BRIP1: variants seen among roughly 807,000 people sequenced by gnomAD.
BRIP1 encodes the protein BRCA1 interacting DNA helicase 1, also known as Fanconi anemia group J protein.
A neutral mutation model predicts 119.7 loss-of-function variants in BRIP1; 88 were observed. The ratio of observed to expected loss-of-function variants is 0.74; its 90% CI spans 0.62 to 0.88. BRIP1 has a LOEUF of 0.88. Ranked by LOEUF, BRIP1 falls within the 40% of genes least tolerant of loss-of-function variation. The probability of loss-of-function intolerance (pLI) is 0.00; values close to 1 mark genes in which losing one functional copy is unlikely to be tolerated. For synonymous variants in BRIP1, 443 were observed against 496.5 expected (o/e 0.89, Z 1.43); for missense variants, 1,259 against 1,455.4 (o/e 0.87, Z 2.20).
At position 61,710,310 on chromosome 17, in the gene BRIP1, C is replaced by G. The variant is rs1603290437; in HGVS notation, c.2492+5641G>C. ...TGGCAGGAAAAAGCACTGAACCTCA[C>G]ATTTTTCACTAATTCAACAAGCATT... On this transcript the variant is annotated intron_variant, in intron 17 of 19. Transcript: ENST00000259008. The surrounding 1 kb of genome is among the most constrained non-coding windows in gnomAD (Gnocchi z 5.4). Among the ~76,000 whole-genome samples the G allele has an allele frequency of 6.6e-6, 1 of 152,152 alleles. No individual in the cohort carries two copies. The highest frequency in any genetic ancestry group is 2.1e-4 in the South Asian group (1 of 4,834).
chr17:61,758,606 T>A lies in BRIP1; in HGVS notation c.2098-14015A>T, dbSNP rs2144821599. ...ACAAACATAGAAAGGCCTCAAGGCA[T>A]ACCACTACAGGAAACCATCAAATCA... On this transcript the variant is annotated intron_variant, in intron 14 of 19. Transcript: ENST00000259008. The surrounding 1 kb of genome is among the most constrained non-coding windows in gnomAD (Gnocchi z 5.3). 6.6e-6 allele frequency among the ~76,000 whole-genome samples: 1 copy of A among 152,262 alleles called. No individual in the cohort carries two copies. Among genetic ancestry groups the A allele is most frequent in the South Asian group, 2.1e-4 (1 of 4,828 alleles).
rs1455869101 is a variant in BRIP1 at position 61,770,963 on chromosome 17, C to T, written c.2097+5438G>A. Among the ~76,000 whole-genome samples the T allele has an allele frequency of 6.6e-6, 1 of 152,128 alleles. No homozygotes were observed. The highest frequency in any genetic ancestry group is 2.4e-5 in the African/African-American group (1 of 41,434). ...ACATTAAACGTAAATGGAGTAAACA[C>T]TCAAGTTAAAAGGCAGAGATAAGCA... is the stretch of plus-strand genomic sequence containing the variant. On this transcript the variant is annotated intron_variant, in intron 14 of 19. Transcript: ENST00000259008. The surrounding 1 kb of genome is among the most constrained non-coding windows in gnomAD (Gnocchi z 4.7).
In BRIP1 at chr17:61,713,684, G is replaced by A. The variant is rs9912366; in HGVS notation, c.2492+2267C>T. Among the ~76,000 whole-genome samples, 57,352 of 151,650 alleles carry A rather than the reference G, an allele frequency of 0.38. 11,396 individuals carry two copies. The highest frequency in any genetic ancestry group is 0.49 in the African/African-American group (20,326 of 41,340). On this transcript the variant is annotated intron_variant, in intron 17 of 19. Transcript: ENST00000259008. This position sits in a 1 kb window ranked among gnomAD's most constrained non-coding sequence, Gnocchi z 4.9. The stretch of plus-strand genomic sequence containing the variant: ...TTATAGGCACCTGCCACCACATCCA[G>A]CTAATTTTTGTAGTTTTAGTAGAGA...
At position 61,759,202 on chromosome 17, in the gene BRIP1, GCA is replaced by G. The variant is rs1359213869; in HGVS notation, c.2098-14613_2098-14612del. 6.6e-6 allele frequency among the ~76,000 whole-genome samples: 1 copy of G among 152,110 alleles called. No individual in the cohort carries two copies. The highest frequency in any genetic ancestry group is 2.1e-4 in the South Asian group (1 of 4,820). ...CTACAAGAGATTTGCTTTTAAGGAT[GCA>G]CAGAGGCTGAAAGTGAGCAGCTGAA... On this transcript the variant is annotated intron_variant, in intron 14 of 19. Coordinates refer to ENST00000259008, the MANE Select transcript of BRIP1 (RefSeq NM_032043.3). This position sits in a 1 kb window ranked among gnomAD's most constrained non-coding sequence, Gnocchi z 4.9.
rs1229821382 is a variant in BRIP1, at chr17:61,703,265, T to C, written c.2493-9753A>G. Among the ~76,000 whole-genome samples the C allele has an allele frequency of 6.6e-6, 1 of 152,194 alleles. No individual in the cohort carries two copies. Among genetic ancestry groups the C allele is most frequent in the Non-Finnish European group, 1.5e-5 (1 of 68,046 alleles). The stretch of plus-strand genomic sequence containing the variant: ...TTTTAGTAGAGATGGGGTTTTGCCA[T>C]GTTGGGCAGAGTGGTCTTCAACTCC... On this transcript the variant is annotated intron_variant, in intron 17 of 19. Coordinates refer to ENST00000259008, the MANE Select transcript of BRIP1 (RefSeq NM_032043.3). The surrounding 1 kb of genome is among the most constrained non-coding windows in gnomAD (Gnocchi z 5.0).
At position 61,748,161 on chromosome 17, in the gene BRIP1, T is replaced by C. The variant is rs922121631; in HGVS notation, c.2098-3570A>G. Among the ~76,000 whole-genome samples, 13 of 152,196 alleles carry C rather than the reference T, an allele frequency of 8.5e-5. No individual in the cohort carries two copies. The highest frequency in any genetic ancestry group is 3.1e-4 in the African/African-American group (13 of 41,454). On this transcript the variant is annotated intron_variant, in intron 14 of 19. Coordinates refer to ENST00000259008, the MANE Select transcript of BRIP1 (RefSeq NM_032043.3). The surrounding 1 kb of genome is among the most constrained non-coding windows in gnomAD (Gnocchi z 4.7). ...GCATTACTGCCTGAGCTCAGTCTCCTGTCAGATCAGCAGCAGCATTATATT... is the reference window on the plus strand; with the variant it reads ...GCATTACTGCCTGAGCTCAGTCTCCCGTCAGATCAGCAGCAGCATTATATT...
Position 61,803,866 on chromosome 17 carries a change from G to A in BRIP1, c.919-2392C>T, listed in dbSNP as rs774833151. Among the ~76,000 whole-genome samples the A allele has an allele frequency of 7.2e-5, 11 of 151,938 alleles. No homozygotes were observed. The highest frequency in any genetic ancestry group is 1.3e-4 in the Non-Finnish European group (9 of 67,978). On this transcript the variant is annotated intron_variant, in intron 7 of 19. Coordinates refer to ENST00000259008, the MANE Select transcript of BRIP1 (RefSeq NM_032043.3). The surrounding 1 kb of genome is among the most constrained non-coding windows in gnomAD (Gnocchi z 4.3). ...TGTACTGTTAAATAGCCAAAAAATT[G>A]AAAATTAACCAAATGTCTACCCATA... is the stretch of plus-strand genomic sequence containing the variant.
rs1056828398 is a variant in BRIP1, at chr17:61,810,572, T to G, written c.628-1815A>C. 6.6e-6 allele frequency among the ~76,000 whole-genome samples: 1 copy of G among 152,228 alleles called. No individual in the cohort carries two copies. Among genetic ancestry groups the G allele is most frequent in the Non-Finnish European group, 1.5e-5 (1 of 68,024 alleles). The stretch of plus-strand genomic sequence containing the variant: ...AATGCTATGGCCCAATGCACTGTTA[T>G]GTACTATATAGATACATTCTATCTA... On this transcript the variant is annotated intron_variant, in intron 6 of 19. Transcript: ENST00000259008. The surrounding 1 kb of genome is among the most constrained non-coding windows in gnomAD (Gnocchi z 4.7).
At chr17:61,688,280 A>C (rs1437955942) in intron 18 of BRIP1, among the ~76,000 whole-genome samples, 1 of 152,182 alleles carries the variant, frequency 6.6e-6, no homozygotes, top group Non-Finnish European at 1.5e-5. Flanking sequence ...CAGGAGTTTG[A>C]GACCAGCGTG....
chr17:61,781,967 G>C (rs918964696), intron 11 of BRIP1, among the ~76,000 whole-genome samples: 1 of 150,290 alleles, frequency 6.7e-6, no homozygotes, highest in Non-Finnish European at 1.5e-5. Context: ...CCATGTCTTC[G>C]CTATAGTATT....
intron 18 of BRIP1, among the ~76,000 whole-genome samples, chr17:61,692,787 G>A (rs1230335046): frequency 6.6e-6 from 1 of 152,188 alleles, no homozygotes; most frequent in Non-Finnish European, 1.5e-5. Context: ...AATGTTAAAT[G>A]GTGCAGTTGC....
chr17:61,852,727 A>T lies in BRIP1; in HGVS notation c.380-3471T>A, dbSNP rs1169800580. 6.6e-6 allele frequency among the ~76,000 whole-genome samples: 1 copy of T among 152,190 alleles called. No homozygotes were observed. The highest frequency in any genetic ancestry group is 1.5e-5 in the Non-Finnish European group (1 of 68,016). ...GATTAGGCAATTCACTAAAGAGGGT[A>T]TCCAAATGACCAATAAACATATGAA... On this transcript the variant is annotated intron_variant, in intron 4 of 19. Coordinates refer to ENST00000259008, the MANE Select transcript of BRIP1 (RefSeq NM_032043.3). The surrounding 1 kb of genome is among the most constrained non-coding windows in gnomAD (Gnocchi z 4.9).
chr17:61,793,295 A>G lies in BRIP1; in HGVS notation c.1473+302T>C, dbSNP rs1259105215. 1.3e-5 allele frequency among the ~76,000 whole-genome samples: 2 copies of G among 152,100 alleles called. No homozygotes were observed. Among genetic ancestry groups the G allele is most frequent in the Non-Finnish European group, 2.9e-5 (2 of 67,992 alleles). Reference sequence around the variant, plus strand: ...TCCTCTTTTTATTTTCTAAAATTTTAACTTTTACAATTGACTAAGTAAGTC... The same window carrying G: ...TCCTCTTTTTATTTTCTAAAATTTTGACTTTTACAATTGACTAAGTAAGTC... On this transcript the variant is annotated intron_variant, in intron 10 of 19. Transcript: ENST00000259008. The surrounding 1 kb of genome is among the most constrained non-coding windows in gnomAD (Gnocchi z 5.2).
At chr17:61,859,237 T>G (rs1462432340) in intron 3 of BRIP1, among the ~76,000 whole-genome samples, 1 of 145,816 alleles carries the variant, frequency 6.9e-6, no homozygotes, top group African/African-American at 2.5e-5. Flanking sequence ...ATTAAAGGAT[T>G]TCCCCCCCCA....
rs1265189015 is a variant in BRIP1 at position 61,736,304 on chromosome 17, G to A, written c.2379+6709C>T. 6.6e-6 allele frequency among the ~76,000 whole-genome samples: 1 copy of A among 151,918 alleles called. No individual in the cohort carries two copies. Among genetic ancestry groups the A allele is most frequent in the Non-Finnish European group, 1.5e-5 (1 of 67,996 alleles). On this transcript the variant is annotated intron_variant, in intron 16 of 19. Coordinates refer to ENST00000259008, the MANE Select transcript of BRIP1 (RefSeq NM_032043.3). The surrounding 1 kb of genome is among the most constrained non-coding windows in gnomAD (Gnocchi z 4.4). ...GATTGTGCCACTGCACTCCAACCTG[G>A]GCGACAGAACAAGACCTTGTCTATA...
Position 61,757,079 on chromosome 17 carries a change from T to C in BRIP1, c.2098-12488A>G, listed in dbSNP as rs2077210047. Among the ~76,000 whole-genome samples the C allele has an allele frequency of 6.6e-6, 1 of 152,206 alleles. No individual in the cohort carries two copies. The highest frequency in any genetic ancestry group is 2.4e-5 in the African/African-American group (1 of 41,458). On this transcript the variant is annotated intron_variant, in intron 14 of 19. Coordinates refer to ENST00000259008, the MANE Select transcript of BRIP1 (RefSeq NM_032043.3). The surrounding 1 kb of genome is among the most constrained non-coding windows in gnomAD (Gnocchi z 4.3). ...TGTTTTAAATGTTTACTTTCTTTTATTCAGTTGATATGTACCCATATGTGG... is the reference window on the plus strand; with the variant it reads ...TGTTTTAAATGTTTACTTTCTTTTACTCAGTTGATATGTACCCATATGTGG...
chr17:61,756,853 T>C lies in BRIP1; in HGVS notation c.2098-12262A>G, dbSNP rs1391569927. Among the ~76,000 whole-genome samples, 1 of 152,240 alleles carries C rather than the reference T, an allele frequency of 6.6e-6. No homozygotes were observed. On this transcript the variant is annotated intron_variant, in intron 14 of 19. Coordinates refer to ENST00000259008, the MANE Select transcript of BRIP1 (RefSeq NM_032043.3). The surrounding 1 kb of genome is among the most constrained non-coding windows in gnomAD (Gnocchi z 4.3). ...ATCCCAGTCCTCTGGAAAATGTTTT[T>C]TGGCATGTGTTTAACTTTATAATAT...
intron 9 of BRIP1, among the ~76,000 whole-genome samples, chr17:61,797,241 G>A (rs575248022): frequency 4.6e-5 from 7 of 151,746 alleles, no homozygotes; most frequent in South Asian, 2.1e-4. Flanking sequence ...CCAGTACCAA[G>A]TAAGTCCTGA....
intron 6 of BRIP1, among the ~76,000 whole-genome samples, chr17:61,817,542 C>T (rs984204930): frequency 6.6e-6 from 1 of 152,162 alleles, no homozygotes; most frequent in African/African-American, 2.4e-5. Context: ...GTTATTATTA[C>T]ATACAAGTCT....
Sources: gnomAD v4.1 joint callset for allele counts (sites outside exome capture counted in the v4.1 genomes callset) on GRCh38, gnomAD v4.1.1 for gene constraint, Gnocchi (gnomAD v3.1) non-coding constraint, MANE v1.5 for transcripts, NCBI Gene and HGNC (gene_info 2026-07-23, HGNC 2026-07-21) for gene names.